Variants in CNTN5 observed in about 807,000 individuals in gnomAD.
The protein encoded by CNTN5 is contactin-5.
CNTN5 carries 77 observed loss-of-function variants against 129.1 expected under a neutral mutation model. The observed-to-expected ratio is 0.60, with a 90% CI of 0.50 to 0.72. The LOEUF (loss-of-function observed/expected upper bound fraction) is 0.72. Ranked by LOEUF, CNTN5 falls within the 30% of genes least tolerant of loss-of-function variation. The pLI is 0.00. For missense variants in CNTN5, 1,478 were observed against 1,328.8 expected (o/e 1.11, Z -1.75); for synonymous variants, 509 against 465.6 (o/e 1.09, Z -1.20).
chr11:99,517,047 C>G lies in CNTN5; in HGVS notation c.-70-39098C>G, dbSNP rs76867494. On this transcript the variant is annotated intron_variant, in intron 2 of 24. Transcript: ENST00000524871. ...GAAACTAAATCTGTTTGAATTCCTG[C>G]TATATGTTACACACACAGTTGAATT... Among the ~76,000 whole-genome samples the G allele has an allele frequency of 7.6e-3, 1,151 of 152,086 alleles. 25 individuals are homozygous for G. The East Asian group carries it at 0.093, about 12-fold the overall frequency.
intron 9 of CNTN5, among the ~76,000 whole-genome samples, chr11:100,016,166 G>A (rs1940810957): frequency 6.6e-6 from 1 of 151,962 alleles, no homozygotes; most frequent in Admixed American, 6.6e-5. Flanking sequence ...GTTTACCTTT[G>A]GAATATCCCT....
chr11:99,973,868 C>T (rs1413378967), intron 8 of CNTN5, among the ~76,000 whole-genome samples: 2 of 152,148 alleles, frequency 1.3e-5, no homozygotes, highest in Non-Finnish European at 2.9e-5. Context: ...TGCACATTTA[C>T]CATAAAATAA....
At chr11:99,596,093 A>ATAC (rs1402238878) in intron 3 of CNTN5, among the ~76,000 whole-genome samples, 1 of 152,144 alleles carries the variant, frequency 6.6e-6, no homozygotes, top group Non-Finnish European at 1.5e-5. Context: ...CTTGGTGAAG[A>ATAC]TACTTTCCAA....
rs113729274 is a variant in CNTN5, at chr11:99,738,616, C to CGTGTGTGTGTGTGTGTGTGTGT, written c.56-80923_56-80902dup. Among the ~76,000 whole-genome samples, 449 of 143,092 alleles carry CGTGTGTGTGTGTGTGTGTGTGT rather than the reference C, an allele frequency of 3.1e-3. 1 individual carries two copies. Among genetic ancestry groups the CGTGTGTGTGTGTGTGTGTGTGT allele is most frequent in the African/African-American group, 7.1e-3 (272 of 38,392 alleles). 93.9% of individuals were successfully genotyped at this position (143,092 alleles called of 152,430 possible). A position where few individuals can be genotyped will look rare whatever the true frequency, so the allele number is the denominator to read the frequency against. On this transcript the variant is annotated intron_variant, in intron 3 of 24. Transcript: ENST00000524871. ...AAATGATACATTCATAAGACAGTAA[C>CGTGTGTGTGTGTGTGTGTGTGT]GTGTGTGTGTGTGTGTGTGTGTGTG...
chr11:99,966,592 C>T (rs1177161048), intron 8 of CNTN5, among the ~76,000 whole-genome samples: 1 of 152,200 alleles, frequency 6.6e-6, no homozygotes, highest in Non-Finnish European at 1.5e-5. Context: ...CCTCAAGTTG[C>T]AGCTTTGTGA....
chr11:100,335,363 A>C (rs1459810903), intron 21 of CNTN5, among the ~76,000 whole-genome samples: 1 of 152,248 alleles, frequency 6.6e-6, no homozygotes, highest in East Asian at 1.9e-4. Context: ...TGCATTGTGC[A>C]TGACATGAAT....
intron 9 of CNTN5, among the ~76,000 whole-genome samples, chr11:100,038,869 CGT>C (rs1475621045): frequency 1.3e-5 from 2 of 152,098 alleles, no homozygotes; most frequent in Non-Finnish European, 2.9e-5. Context: ...TGTGTCTGCA[CGT>C]GAGGTGGGTT....
At chr11:99,846,945 G>A (rs537615420) in intron 6 of CNTN5, among the ~76,000 whole-genome samples, 1 of 152,216 alleles carries the variant, frequency 6.6e-6, no homozygotes, top group East Asian at 1.9e-4. Context: ...ATATTATGTG[G>A]TGTATCACAG....
intron 8 of CNTN5, among the ~76,000 whole-genome samples, chr11:99,969,939 TTCTA>T (rs1311046581): frequency 2.6e-5 from 4 of 152,224 alleles, no homozygotes; most frequent in African/African-American, 9.6e-5. Context: ...TAGTGAATAC[TTCTA>T]TCTCTGTTTT....
intron 3 of CNTN5, among the ~76,000 whole-genome samples, chr11:99,583,236 T>C (rs1473978155): frequency 6.6e-6 from 1 of 152,200 alleles, no homozygotes; most frequent in East Asian, 1.9e-4. Context: ...CTGCCCCTAA[T>C]TGGGGGTGCC....
intron 3 of CNTN5, among the ~76,000 whole-genome samples, chr11:99,676,927 C>A (rs1312119457): frequency 6.6e-6 from 1 of 152,164 alleles, no homozygotes; most frequent in African/African-American, 2.4e-5. Context: ...TTTCCCCTAA[C>A]ATGCAAGGGT....
intron 3 of CNTN5, among the ~76,000 whole-genome samples, chr11:99,720,510 CAAA>C (rs2135023582): frequency 6.6e-6 from 1 of 152,072 alleles, no homozygotes; most frequent in African/African-American, 2.4e-5. Flanking sequence ...GAACGTAACT[CAAA>C]AAGCCTTCTA....
At chr11:100,144,508 A>G (rs1352238699) in intron 13 of CNTN5, among the ~76,000 whole-genome samples, 1 of 152,134 alleles carries the variant, frequency 6.6e-6, no homozygotes, top group African/African-American at 2.4e-5. Context: ...AAAACACTGG[A>G]TTAAACAGTT....
At chr11:99,561,140 A>T (rs901718351) in intron 3 of CNTN5, among the ~76,000 whole-genome samples, 2 of 152,136 alleles carry the variant, frequency 1.3e-5, no homozygotes, top group Admixed American at 1.3e-4. Context: ...ATTCTAGAGT[A>T]TCCTGTAGTG....
chr11:100,127,584 G>A (rs993372292), intron 13 of CNTN5, among the ~76,000 whole-genome samples: 1 of 149,792 alleles, frequency 6.7e-6, no homozygotes, highest in Non-Finnish European at 1.5e-5. Context: ...CCTACCTGGA[G>A]TCAAGGAAGC....
chr11:99,366,209 T>C (rs1436152326), intron 2 of CNTN5, among the ~76,000 whole-genome samples: 1 of 152,152 alleles, frequency 6.6e-6, no homozygotes, highest in Non-Finnish European at 1.5e-5. Flanking sequence ...CTGGAAAATC[T>C]TTTGCAAGTG....
intron 2 of CNTN5, among the ~76,000 whole-genome samples, chr11:99,382,845 C>CTTTGTTTTTTT (rs1940666870): frequency 3.9e-5 from 3 of 77,032 alleles, no homozygotes; most frequent in African/African-American, 1.9e-4. Context: ...CTCTAAATAA[C>CTTTGTTTTTTT]TTTTTTTTTT....
chr11:99,176,724 G>T (rs1204187855), intron 1 of CNTN5, among the ~76,000 whole-genome samples: 1 of 152,070 alleles, frequency 6.6e-6, no homozygotes, highest in Non-Finnish European at 1.5e-5. Context: ...ACAACCCTTG[G>T]TTAGATGCCA....
intron 3 of CNTN5, among the ~76,000 whole-genome samples, chr11:99,709,954 C>T (rs1954904953): frequency 6.6e-6 from 1 of 151,778 alleles, no homozygotes; most frequent in Non-Finnish European, 1.5e-5. Flanking sequence ...GATTAAAGTA[C>T]ATTTGTGATT....
Sources: allele counts gnomAD v4.1 joint callset (sites outside exome capture counted in the v4.1 genomes callset), GRCh38; gene constraint gnomAD v4.1.1; transcripts MANE v1.5; gene names NCBI Gene and HGNC (gene_info 2026-07-23, HGNC 2026-07-21).